CNTN1: variants seen among roughly 807,000 people sequenced by gnomAD.
CNTN1 encodes the protein contactin-1.
Under a neutral mutation model 126.4 loss-of-function variants are expected in CNTN1, and 38 were observed. The ratio of observed to expected loss-of-function variants is 0.30; its 90% CI spans 0.23 to 0.39. The LOEUF (loss-of-function observed/expected upper bound fraction) is 0.39. CNTN1 is among the 10% of genes least tolerant of loss of function. The pLI is 1.00. For missense variants in CNTN1, 1,009 were observed against 1,248.4 expected (o/e 0.81, Z 2.89); for synonymous variants, 413 against 422.6 (o/e 0.98, Z 0.28).
At chr12:40,727,710 G>T (rs911139140) in intron 1 of CNTN1, among the ~76,000 whole-genome samples, 1 of 152,006 alleles carries the variant, frequency 6.6e-6, no homozygotes, top group African/African-American at 2.4e-5. Flanking sequence ...CAAAAACTAC[G>T]CATGCTACAC....
intron 14 of CNTN1, among the ~76,000 whole-genome samples, chr12:40,950,259 G>T (rs561481230): frequency 1.5e-4 from 23 of 152,090 alleles, no homozygotes; most frequent in African/African-American, 5.1e-4. Flanking sequence ...CCTCAAGAAA[G>T]ATATTAAAAA....
At chr12:41,038,222 G>A (rs1397112854) in intron 23 of CNTN1, among the ~76,000 whole-genome samples, 3 of 152,092 alleles carry the variant, frequency 2.0e-5, no homozygotes, top group Non-Finnish European at 4.4e-5. Flanking sequence ...TTATTTTAAA[G>A]TGGCAAAAGT....
intron 16 of CNTN1, among the ~76,000 whole-genome samples, chr12:40,991,666 A>G (rs537465011): frequency 6.6e-6 from 1 of 152,294 alleles, no homozygotes; most frequent in East Asian, 1.9e-4. Context: ...CGTCTCTACT[A>G]CAAATACAAA....
intron 1 of CNTN1, among the ~76,000 whole-genome samples, chr12:40,837,757 C>T (rs185148068): frequency 6.6e-6 from 1 of 152,216 alleles, no homozygotes; most frequent in African/African-American, 2.4e-5. Context: ...TGGGCTGTAG[C>T]GGCCACTGCC....
At chr12:40,889,952 C>G (rs910377736) in intron 1 of CNTN1, among the ~76,000 whole-genome samples, 4 of 152,156 alleles carry the variant, frequency 2.6e-5, no homozygotes, top group African/African-American at 9.7e-5. Flanking sequence ...GTATTTGAAA[C>G]AGTGGGTGTT....
At chr12:40,847,087 C>T (rs1592152994) in intron 1 of CNTN1, among the ~76,000 whole-genome samples, 2 of 152,158 alleles carry the variant, frequency 1.3e-5, no homozygotes, top group East Asian at 3.9e-4. Flanking sequence ...AGGCTGGTCT[C>T]GAACTCCTGA....
At chr12:40,880,636 C>T (rs901428042) in intron 1 of CNTN1, among the ~76,000 whole-genome samples, 2 of 151,998 alleles carry the variant, frequency 1.3e-5, no homozygotes, top group Non-Finnish European at 2.9e-5. Context: ...TCACTTAGTA[C>T]TCCTTTGACA....
intron 16 of CNTN1, among the ~76,000 whole-genome samples, chr12:40,983,710 C>T (rs1374899989): frequency 6.8e-6 from 1 of 148,130 alleles, no homozygotes; most frequent in African/African-American, 2.5e-5. Flanking sequence ...TTCATTCTTC[C>T]TCTTTTGTGC....
chr12:40,894,553 CAT>C (rs1200614624), intron 1 of CNTN1, among the ~76,000 whole-genome samples: 2 of 152,120 alleles, frequency 1.3e-5, no homozygotes, highest in African/African-American at 4.8e-5. Context: ...CTGAAAATAA[CAT>C]ATAAAATATG....
intron 16 of CNTN1, among the ~76,000 whole-genome samples, chr12:40,981,585 T>A (rs892729389): frequency 6.6e-6 from 1 of 152,128 alleles, no homozygotes; most frequent in Non-Finnish European, 1.5e-5. Flanking sequence ...ACATTTTGGA[T>A]CTTTCAACCT....
intron 1 of CNTN1, among the ~76,000 whole-genome samples, chr12:40,874,110 C>T (rs572694563): frequency 8.5e-5 from 13 of 152,214 alleles, no homozygotes; most frequent in African/African-American, 2.6e-4. Flanking sequence ...CCCAGCTCTA[C>T]CATTCCCAAC....
At chr12:40,726,591 C>G (rs982268279) in intron 1 of CNTN1, among the ~76,000 whole-genome samples, 1 of 152,188 alleles carries the variant, frequency 6.6e-6, no homozygotes, top group African/African-American at 2.4e-5. Context: ...TTACCTCCAC[C>G]TGTTCCCACC....
At chr12:40,706,021 C>T (rs1358126003) in intron 1 of CNTN1, among the ~76,000 whole-genome samples, 3 of 151,966 alleles carry the variant, frequency 2.0e-5, no homozygotes, top group Admixed American at 2.0e-4. Flanking sequence ...CCAGGCCACA[C>T]CTCCAACATT....
intron 15 of CNTN1, chr12:40,972,370 T>A: frequency 2.0e-6 from 2 of 984,290 alleles, no homozygotes; most frequent in Non-Finnish European, 2.4e-6. Context: ...CTTTCCCCCT[T>A]TGGTCAAAGA....
chr12:41,050,342 C>T (rs941507666), intron 23 of CNTN1, among the ~76,000 whole-genome samples: 3 of 152,152 alleles, frequency 2.0e-5, no homozygotes, highest in Admixed American at 1.3e-4. Flanking sequence ...CACAGTTTCA[C>T]AGGCTGTGCA....
intron 1 of CNTN1, among the ~76,000 whole-genome samples, chr12:40,820,014 C>T (rs1941396237): frequency 6.6e-6 from 1 of 152,264 alleles, no homozygotes; most frequent in Non-Finnish European, 1.5e-5. Flanking sequence ...GATGAGAGAA[C>T]CTGGATACCT....
At chr12:40,761,374 C>A (rs1271415570) in intron 1 of CNTN1, among the ~76,000 whole-genome samples, 1 of 152,034 alleles carries the variant, frequency 6.6e-6, no homozygotes, top group African/African-American at 2.4e-5. Context: ...AAGATTTGTT[C>A]TTCTACCAAT....
Position 41,070,293 on chromosome 12 carries a change from T to C in CNTN1, c.*258T>C, listed in dbSNP as rs905462787. ...TGCCTTATAAACCACTTAACCTGATTCTGTGACAGTTGCATGATTTAACCC... is the reference window on the plus strand; with the variant it reads ...TGCCTTATAAACCACTTAACCTGATCCTGTGACAGTTGCATGATTTAACCC... On this transcript the variant is annotated 3_prime_UTR_variant, in exon 24 of 24. Transcript: ENST00000551295. The C allele has an allele frequency of 2.0e-6, 1 of 509,812 alleles. No individual in the cohort carries two copies. The highest frequency in any genetic ancestry group is 3.2e-5 in the Admixed American group (1 of 31,224). The allele number at this position is 509,812 out of a possible 1,614,324, so 31.6% of individuals were successfully genotyped here. A position where few individuals can be genotyped will look rare whatever the true frequency, so the allele number is the denominator to read the frequency against.
At chr12:40,998,271 T>C (rs1948271877) in intron 17 of CNTN1, among the ~76,000 whole-genome samples, 1 of 152,192 alleles carries the variant, frequency 6.6e-6, no homozygotes, top group Non-Finnish European at 1.5e-5. Context: ...GTTTGGATTC[T>C]TCATAAGAAT....
Sources: gnomAD v4.1 joint callset for allele counts (sites outside exome capture counted in the v4.1 genomes callset) on GRCh38, gnomAD v4.1.1 for gene constraint, MANE v1.5 for transcripts, NCBI Gene and HGNC (gene_info 2026-07-23, HGNC 2026-07-21) for gene names.